CEP63: variants seen among roughly 807,000 people sequenced by gnomAD.
The protein encoded by CEP63 is centrosomal protein of 63 kDa.
A neutral mutation model predicts 89.1 loss-of-function variants in CEP63; 84 were observed. The observed-to-expected ratio is 0.94, with a 90% confidence interval of 0.79 to 1.13. CEP63 has a LOEUF of 1.13. Among genes scored for constraint, CEP63 ranks in the 50% most tolerant of loss-of-function variants. The pLI, the probability that CEP63 is intolerant of heterozygous loss-of-function variation, is 0.00. For synonymous variants in CEP63, 267 were observed against 272.5 expected, an observed-to-expected ratio of 0.98 and a Z score of 0.20; for missense variants, 838 against 813.3, an observed-to-expected ratio of 1.03 and a Z score of -0.37.
the CEP63 span, among the ~76,000 whole-genome samples, chr3:134,688,805 A>G: frequency 1.3e-5 from 2 of 152,184 alleles, no homozygotes; most frequent in Non-Finnish European, 2.9e-5. Flanking sequence ...GGCTTCCACA[A>G]ATGTCAGGGT....
At chr3:134,719,355 T>C in the CEP63 span, among the ~76,000 whole-genome samples, 1 of 152,140 alleles carries the variant, frequency 6.6e-6, no homozygotes, top group Non-Finnish European at 1.5e-5. Flanking sequence ...AGAATCTGCA[T>C]TTTAACACAA....
the CEP63 span, chr3:134,620,887 G>A: frequency 4.7e-5 from 66 of 1,407,400 alleles, no homozygotes; most frequent in Middle Eastern, 3.5e-4. Context: ...TGCTGTATTA[G>A]GGCCTCGAGG....
chr3:134,634,356 G>A, the CEP63 span, among the ~76,000 whole-genome samples: 1 of 152,102 alleles, frequency 6.6e-6, no homozygotes, highest in Non-Finnish European at 1.5e-5. Context: ...ATGCATTAAT[G>A]AAAAGCTGTA....
chr3:134,650,839 A>G, the CEP63 span: 12 of 1,603,872 alleles, frequency 7.5e-6, no homozygotes, highest in African/African-American at 1.5e-4. Flanking sequence ...TCCGCGCTGC[A>G]GCAGCGAGCT....
chr3:134,625,440 C>T, the CEP63 span, among the ~76,000 whole-genome samples: 3 of 152,240 alleles, frequency 2.0e-5, no homozygotes, highest in Non-Finnish European at 4.4e-5. Context: ...CAGTAGTTCC[C>T]AGACATATTG....
At chr3:134,552,797 T>C (rs1404925574) in intron 12 of CEP63, 3 of 152,156 alleles carry the variant, frequency 2.0e-5, no homozygotes, top group African/African-American at 7.2e-5. Context: ...CAAGGACTTT[T>C]AGTAGGTGCT....
At chr3:134,490,271 C>T (rs1455763493) in intron 1 of CEP63, among the ~76,000 whole-genome samples, 2 of 152,052 alleles carry the variant, frequency 1.3e-5, no homozygotes, top group African/African-American at 4.8e-5. Flanking sequence ...ACAGTTTTTT[C>T]ACACGTTGGA....
At chr3:134,724,313 G>A in the CEP63 span, among the ~76,000 whole-genome samples, 12 of 152,184 alleles carry the variant, frequency 7.9e-5, no homozygotes, top group African/African-American at 2.9e-4. Flanking sequence ...GCATTAGAAT[G>A]GCCAAAGGCT....
chr3:134,693,028 T>C, the CEP63 span, among the ~76,000 whole-genome samples: 6 of 152,216 alleles, frequency 3.9e-5, no homozygotes, highest in African/African-American at 1.2e-4. Context: ...GACTTCCAGT[T>C]GCCCACCCCA....
chr3:134,624,360 A>T, the CEP63 span, among the ~76,000 whole-genome samples: 2 of 152,188 alleles, frequency 1.3e-5, no homozygotes, highest in Non-Finnish European at 2.9e-5. Context: ...TTCTTGATCC[A>T]TGCACTCACC....
the CEP63 span, among the ~76,000 whole-genome samples, chr3:134,644,483 G>C: frequency 4.6e-5 from 7 of 152,154 alleles, no homozygotes; most frequent in East Asian, 3.9e-4. Flanking sequence ...TCAGAGGGGT[G>C]GGGGGAAGGC....
At chr3:134,583,326 G>A (rs1435477654) in intron 10 of CEP63, among the ~76,000 whole-genome samples, 16 of 152,296 alleles carry the variant, frequency 1.1e-4, no homozygotes, top group African/African-American at 3.4e-4. Context: ...TAACATTTAA[G>A]TCTTTAATCC....
At chr3:134,531,198 G>A (rs1949783115) in intron 3 of CEP63, among the ~76,000 whole-genome samples, 1 of 152,144 alleles carries the variant, frequency 6.6e-6, no homozygotes, top group Non-Finnish European at 1.5e-5. Flanking sequence ...TTTTTATGAA[G>A]TATTGTTGGT....
At chr3:134,735,907 C>A in the CEP63 span, among the ~76,000 whole-genome samples, 1 of 152,082 alleles carries the variant, frequency 6.6e-6, no homozygotes, top group Non-Finnish European at 1.5e-5. Flanking sequence ...AATCCCCCAA[C>A]TCATTTAATG....
At chr3:134,526,037 G>A (rs1487345041) in intron 3 of CEP63, among the ~76,000 whole-genome samples, 1 of 152,136 alleles carries the variant, frequency 6.6e-6, no homozygotes, top group East Asian at 1.9e-4. Context: ...TTCCAGATTG[G>A]TTCCATTCTC....
the CEP63 span, among the ~76,000 whole-genome samples, chr3:134,679,948 T>C: frequency 6.6e-6 from 1 of 152,208 alleles, no homozygotes; most frequent in Admixed American, 6.5e-5. Flanking sequence ...GTCTTGGAAC[T>C]CCTGGGCTCA....
At chr3:134,672,558 AG>A in the CEP63 span, among the ~76,000 whole-genome samples, 4 of 152,216 alleles carry the variant, frequency 2.6e-5, no homozygotes, top group African/African-American at 9.7e-5. Flanking sequence ...AAAGGGGGAA[AG>A]GCAAATAATC....
the CEP63 span, among the ~76,000 whole-genome samples, chr3:134,781,546 C>G: frequency 3.3e-5 from 5 of 152,208 alleles, no homozygotes; most frequent in Non-Finnish European, 7.3e-5. Flanking sequence ...GCCTACCCAT[C>G]AGGGTACTAC....
chr3:134,578,321 T>TG (rs1262138014), downstream of CEP63, among the ~76,000 whole-genome samples: 1,152 of 68,182 alleles, frequency 0.017, 17 homozygotes, highest in African/African-American at 0.053. Context: ...TTCTGACTTG[T>TG]GTTTTTTTTT....
Sources: allele counts gnomAD v4.1 joint callset (sites outside exome capture counted in the v4.1 genomes callset), GRCh38; gene constraint gnomAD v4.1.1; transcripts MANE v1.5; gene names NCBI Gene and HGNC (gene_info 2026-07-23, HGNC 2026-07-21).